Variants in FHIT observed in about 807,000 individuals in gnomAD.
FHIT encodes the protein fragile histidine triad diadenosine triphosphatase.
In FHIT, 19 loss-of-function variants were observed where a neutral mutation model predicts 17.9. The ratio of observed to expected loss-of-function variants is 1.06; its 90% confidence interval spans 0.74 to 1.56. FHIT has a LOEUF of 1.56. Ranked by LOEUF, FHIT falls within the 40% of genes most tolerant of loss-of-function variation. FHIT has a pLI of 0.00. For synonymous variants in FHIT, 81 were observed against 69.7 expected, an observed-to-expected ratio of 1.16 and a Z score of -0.81; for missense variants, 248 against 189.2, an observed-to-expected ratio of 1.31 and a Z score of -1.82.
At chr3:60,148,319 A>G (rs896325372) in intron 5 of FHIT, among the ~76,000 whole-genome samples, 1 of 152,212 alleles carries the variant, frequency 6.6e-6, no homozygotes, top group Admixed American at 6.5e-5. Flanking sequence ...GGATGATAGT[A>G]CTTTGCACAA....
intron 8 of FHIT, among the ~76,000 whole-genome samples, chr3:59,779,265 A>T (rs1212880930): frequency 6.6e-6 from 1 of 152,170 alleles, no homozygotes; most frequent in Admixed American, 6.6e-5. Flanking sequence ...CACTGTGATC[A>T]GAAACGTATA....
At chr3:60,864,718 C>T (rs13078972) in intron 3 of FHIT, among the ~76,000 whole-genome samples, 11 of 151,914 alleles carry the variant, frequency 7.2e-5, no homozygotes, top group East Asian at 3.9e-4. Context: ...GAGCATGATA[C>T]GGTAAATCAT....
intron 2 of FHIT, among the ~76,000 whole-genome samples, chr3:61,187,989 A>G (rs1362961947): frequency 1.3e-5 from 2 of 152,228 alleles, no homozygotes; most frequent in Non-Finnish European, 2.9e-5. Context: ...GAAAAGATCT[A>G]AAATTGACAC....
intron 5 of FHIT, among the ~76,000 whole-genome samples, chr3:60,355,347 T>C (rs6766813): frequency 0.01 from 1,555 of 152,286 alleles, 32 homozygotes; most frequent in African/African-American, 0.035. Flanking sequence ...CAGATGGCTG[T>C]CCTTTTATAG....
intron 4 of FHIT, among the ~76,000 whole-genome samples, chr3:60,543,907 C>CTTGTTTTTTTT (rs2036270401): frequency 1.9e-5 from 1 of 52,076 alleles, no homozygotes; most frequent in Non-Finnish European, 3.0e-5. Flanking sequence ...CCACGCCCGG[C>CTTGTTTTTTTT]TTTTTTTTTT....
intron 3 of FHIT, among the ~76,000 whole-genome samples, chr3:61,000,455 C>G (rs1261822013): frequency 6.6e-6 from 1 of 152,196 alleles, no homozygotes; most frequent in African/African-American, 2.4e-5. Context: ...TACTGTCCAT[C>G]AGATAACATC....
At chr3:61,159,619 T>C (rs1294811879) in intron 2 of FHIT, among the ~76,000 whole-genome samples, 1 of 152,236 alleles carries the variant, frequency 6.6e-6, no homozygotes, top group Non-Finnish European at 1.5e-5. Flanking sequence ...CATTTAACAT[T>C]ATTAAATGTT....
chr3:60,702,446 T>A (rs1337963603), intron 4 of FHIT, among the ~76,000 whole-genome samples: 1 of 152,048 alleles, frequency 6.6e-6, no homozygotes, highest in African/African-American at 2.4e-5. Context: ...TTTATCTCCA[T>A]AACATTTTTC....
At chr3:60,260,211 T>G (rs9825408) in intron 5 of FHIT, among the ~76,000 whole-genome samples, 2,075 of 151,624 alleles carry the variant, frequency 0.014, 43 homozygotes, top group African/African-American at 0.047. Flanking sequence ...CCGTAGAGGG[T>G]GTAGGAGGTT....
chr3:61,139,137 C>A (rs1170541031), intron 2 of FHIT, among the ~76,000 whole-genome samples: 1 of 151,068 alleles, frequency 6.6e-6, no homozygotes, highest in East Asian at 2.0e-4. Context: ...TCACGCCATT[C>A]TCCTGCCTCA....
chr3:60,374,559 ATATGC>A (rs1315235104), intron 5 of FHIT, among the ~76,000 whole-genome samples: 5 of 150,730 alleles, frequency 3.3e-5, no homozygotes, highest in Non-Finnish European at 7.4e-5. Context: ...CAGATTTTTT[ATATGC>A]TAAGAAAATG....
chr3:60,674,181 T>C (rs1407371759), intron 4 of FHIT, among the ~76,000 whole-genome samples: 1 of 152,138 alleles, frequency 6.6e-6, no homozygotes, highest in Non-Finnish European at 1.5e-5. Context: ...TCTAATATGT[T>C]GCTAAGGCCA....
chr3:61,025,576 G>A (rs891896539), intron 3 of FHIT, among the ~76,000 whole-genome samples: 2 of 151,962 alleles, frequency 1.3e-5, no homozygotes, highest in Non-Finnish European at 2.9e-5. Flanking sequence ...ACAGAAATAT[G>A]GAAAATATTC....
chr3:61,217,274 A>G (rs538600056), intron 1 of FHIT, among the ~76,000 whole-genome samples: 2 of 152,344 alleles, frequency 1.3e-5, no homozygotes, highest in South Asian at 4.1e-4. Context: ...GGCTTCCGCT[A>G]GCAGACTTGA....
At chr3:60,677,174 G>A (rs1268204213) in intron 4 of FHIT, among the ~76,000 whole-genome samples, 1 of 152,174 alleles carries the variant, frequency 6.6e-6, no homozygotes, top group Non-Finnish European at 1.5e-5. Flanking sequence ...ACTGTGCCCA[G>A]CCAATTTTTT....
chr3:61,040,018 AG>A (rs2033432090), intron 3 of FHIT, among the ~76,000 whole-genome samples: 1 of 152,194 alleles, frequency 6.6e-6, no homozygotes, highest in Admixed American at 6.5e-5. Context: ...GAATGAAATA[AG>A]TCCTTGTGGG....
chr3:60,875,867 C>T (rs1704627792), intron 3 of FHIT, among the ~76,000 whole-genome samples: 1 of 149,400 alleles, frequency 6.7e-6, no homozygotes, highest in African/African-American at 2.5e-5. Context: ...AGCCCCCATT[C>T]TAAATAAGTA....
In FHIT at chr3:60,253,416, T is replaced by C. The variant is rs934431296; in HGVS notation, c.104-239264A>G. On this transcript the variant is annotated intron_variant, in intron 5 of 9. Coordinates refer to ENST00000492590, the MANE Select transcript of FHIT (RefSeq NM_002012.4). ...GAAATGAAACAAATGATATCACTCA[T>C]TGTATTCAGTGTGATGATCAGTTGG... 2.6e-5 allele frequency among the ~76,000 whole-genome samples: 4 copies of C among 152,334 alleles called. No individual in the cohort carries two copies. The East Asian group carries it at 7.7e-4, about 29-fold the overall frequency.
chr3:60,809,154 T>G (rs1553735323), intron 4 of FHIT, among the ~76,000 whole-genome samples: 1 of 152,216 alleles, frequency 6.6e-6, no homozygotes, highest in Non-Finnish European at 1.5e-5. Flanking sequence ...CTATTACATT[T>G]AGTAATTAAT....
Sources: allele counts gnomAD v4.1 joint callset (sites outside exome capture counted in the v4.1 genomes callset), GRCh38; gene constraint gnomAD v4.1.1; transcripts MANE v1.5; gene names NCBI Gene and HGNC (gene_info 2026-07-23, HGNC 2026-07-21).